Variants in WNT2B observed in about 807,000 individuals in gnomAD.
WNT2B encodes protein Wnt-2b.
Under a neutral mutation model 40.5 loss-of-function variants are expected in WNT2B, and 19 were observed. That is an observed-to-expected ratio of 0.47 (90% CI 0.33 to 0.69). The LOEUF (loss-of-function observed/expected upper bound fraction) is 0.69. WNT2B is among the 30% of genes least tolerant of loss of function. The pLI, the probability that WNT2B is intolerant of heterozygous loss-of-function variation, is 0.02. For missense variants in WNT2B, 467 were observed against 556.4 expected (o/e 0.84, Z 1.62); for synonymous variants, 220 against 211.9 (o/e 1.04, Z -0.33).
Position 112,526,090 on chromosome 1 carries a change from G to A in WNT2B, c.*5581G>A, listed in dbSNP as rs1241046475. ...TCAAAGCCTGAGGATGCCCAGGGTT[G>A]GGGGCACCAGAGTCCCAGCACCTTC... On this transcript the variant is annotated 3_prime_UTR_variant, in exon 5 of 5. Transcript: ENST00000369684. The A allele has an allele frequency of 4.4e-5, 71 of 1,614,000 alleles. No homozygotes were observed. The highest frequency in any genetic ancestry group is 6.0e-5 in the Non-Finnish European group (71 of 1,180,034).
chr1:112,507,193 A>T (rs569347317), upstream of WNT2B, among the ~76,000 whole-genome samples: 5 of 152,090 alleles, frequency 3.3e-5, no homozygotes, highest in Non-Finnish European at 7.4e-5. Flanking sequence ...TTGCAACTGT[A>T]ACCATCCCCT....
intron 1 of WNT2B, among the ~76,000 whole-genome samples, chr1:112,474,653 T>C (rs532676161): frequency 6.6e-6 from 1 of 152,336 alleles, no homozygotes; most frequent in Non-Finnish European, 1.5e-5. Flanking sequence ...CGATAGTCAC[T>C]TTTTAAAATG....
chr1:112,508,525 G>A (rs2101080537), upstream of WNT2B, among the ~76,000 whole-genome samples: 1 of 152,266 alleles, frequency 6.6e-6, no homozygotes, highest in South Asian at 2.1e-4. This position sits in a 1 kb window ranked among gnomAD's most constrained non-coding sequence, Gnocchi z 4.2. Context: ...CCCGGTGGCA[G>A]GGACTCTACC....
At position 112,520,467 on chromosome 1, in the gene WNT2B, T is replaced by C; in HGVS notation, c.1134T>C (p.Thr378=). Residue 378 remains threonine, a synonymous_variant, in exon 5 of 5, where the codon ACT becomes ACC. Coordinates refer to ENST00000369684, the MANE Select transcript of WNT2B (RefSeq NM_024494.3). ...KECRNTVDVH[T]CKAPKKAEWL... is the part of the protein sequence containing the mutation. ...GCAGAAATACTGTGGACGTCCATAC[T>C]TGCAAAGCCCCCAAGAAGGCAGAGT... is the stretch of plus-strand genomic sequence containing the variant. 6.2e-7 allele frequency: 1 copy of C among 1,614,160 alleles called. No homozygotes were observed. The highest frequency in any genetic ancestry group is 8.5e-7 in the Non-Finnish European group (1 of 1,180,044).
Position 112,522,764 on chromosome 1 carries a change from C to T in WNT2B, c.*2255C>T, listed in dbSNP as rs1652951717. 2 of 152,232 alleles carry T rather than the reference C, an allele frequency of 1.3e-5. No homozygotes were observed. Among genetic ancestry groups the T allele is most frequent in the African/African-American group, 4.8e-5 (2 of 41,432 alleles). The allele number at this position is 152,232 out of a possible 1,614,324, so 9.4% of individuals were successfully genotyped here. The stretch of plus-strand genomic sequence containing the variant: ...CACAAAACATGAGCTAGTCAGGGCC[C>T]TTGTGGTCTGCGGTAAGGGGATGCC... On this transcript the variant is annotated 3_prime_UTR_variant, in exon 5 of 5. Transcript: ENST00000369684.
At position 112,526,339 on chromosome 1, in the gene WNT2B, T is replaced by C. The variant is rs1012338132; in HGVS notation, c.*5830T>C. The C allele has an allele frequency of 3.7e-5, 17 of 455,926 alleles. No homozygotes were observed. The highest frequency in any genetic ancestry group is 2.9e-4 in the African/African-American group (15 of 51,898). 28.2% of individuals were successfully genotyped at this position (455,926 alleles called of 1,614,324 possible). ...CTGGCTCCTAATTCTACTCCTTTTTTCCCCTTCAGATTAACATTAAAAATT... is the reference window on the plus strand; with the variant it reads ...CTGGCTCCTAATTCTACTCCTTTTTCCCCCTTCAGATTAACATTAAAAATT... On this transcript the variant is annotated 3_prime_UTR_variant, in exon 5 of 5. Coordinates refer to ENST00000369684, the MANE Select transcript of WNT2B (RefSeq NM_024494.3).
intron 1 of WNT2B, among the ~76,000 whole-genome samples, chr1:112,486,952 A>G (rs1277126562): frequency 6.6e-6 from 1 of 152,238 alleles, no homozygotes; most frequent in Non-Finnish European, 1.5e-5. Flanking sequence ...CACATGATTC[A>G]GTTATCCCAT....
chr1:112,482,921 C>T (rs998693020), intron 1 of WNT2B, among the ~76,000 whole-genome samples: 2 of 152,112 alleles, frequency 1.3e-5, no homozygotes, highest in African/African-American at 4.8e-5. Flanking sequence ...GTATTCTTTA[C>T]AGAAATAGAC....
chr1:112,514,678 C>T (rs916468016), intron 1 of WNT2B, 196 bp from the exon 2 acceptor site: 13 of 623,218 alleles, frequency 2.1e-5, no homozygotes, highest in Non-Finnish European at 3.7e-5. Flanking sequence ...CAATTACTCT[C>T]TCTGCAACTG....
chr1:112,480,921 CA>C (rs1404375814), intron 1 of WNT2B, among the ~76,000 whole-genome samples: 3 of 152,176 alleles, frequency 2.0e-5, no homozygotes, highest in Non-Finnish European at 4.4e-5. Context: ...GTAATCCCAG[CA>C]CTTTGGGAGG....
intron 1 of WNT2B, among the ~76,000 whole-genome samples, chr1:112,487,890 C>A (rs547102843): frequency 1.5e-5 from 2 of 131,944 alleles, no homozygotes; most frequent in African/African-American, 5.8e-5. Flanking sequence ...GCCGAGATTG[C>A]GCCACTGCAC....
rs1166799270 is a variant in WNT2B at position 112,521,277 on chromosome 1, T to C, written c.*768T>C. 1 of 151,580 alleles carries C rather than the reference T, an allele frequency of 6.6e-6. No individual in the cohort carries two copies. The highest frequency in any genetic ancestry group is 1.5e-5 in the Non-Finnish European group (1 of 68,010). 9.4% of individuals were successfully genotyped at this position (151,580 alleles called of 1,614,324 possible). ...CACCCTAGAACACTCCTAGGATAGA[T>C]TAATGTAGTAAGTCTGGCTAGGCCT... is the stretch of plus-strand genomic sequence containing the variant. On this transcript the variant is annotated 3_prime_UTR_variant, in exon 5 of 5. Coordinates refer to ENST00000369684, the MANE Select transcript of WNT2B (RefSeq NM_024494.3).
chr1:112,486,178 C>G (rs1227197554), intron 1 of WNT2B, among the ~76,000 whole-genome samples: 3 of 140,952 alleles, frequency 2.1e-5, no homozygotes, highest in African/African-American at 7.9e-5. Context: ...TGCTGTGGCT[C>G]ATGCCTGTAA....
At chr1:112,492,754 T>G (rs182939336) in intron 1 of WNT2B, among the ~76,000 whole-genome samples, 2 of 152,184 alleles carry the variant, frequency 1.3e-5, no homozygotes, top group Non-Finnish European at 2.9e-5. Flanking sequence ...AGCCTTTACA[T>G]TGGGGAAGGG....
chr1:112,515,324 C>T lies in WNT2B; in HGVS notation c.403+230C>T. On this transcript the variant is annotated intron_variant, in intron 2 of 4. Coordinates refer to ENST00000369684, the MANE Select transcript of WNT2B (RefSeq NM_024494.3). The surrounding 1 kb of genome is among the most constrained non-coding windows in gnomAD (Gnocchi z 4.4). ...GCTCTGGGACAAGACCAAGGTAAAG[C>T]ATTCCCTAGAACCTCCATCTTTCTC... Among the ~76,000 whole-genome samples, 1 of 152,188 alleles carries T rather than the reference C, an allele frequency of 6.6e-6. No homozygotes were observed. The highest frequency in any genetic ancestry group is 1.9e-4 in the East Asian group (1 of 5,188).
In WNT2B at chr1:112,496,814, G is replaced by T. The variant is rs1433062672; in HGVS notation, c.-94-18060G>T. ...AGGGTTTCTCCATGTTGGTCAGGCTGGTCTCGAACTCACGACCTCCGGTGA... is the reference window on the plus strand; with the variant it reads ...AGGGTTTCTCCATGTTGGTCAGGCTTGTCTCGAACTCACGACCTCCGGTGA... On this transcript the variant is annotated intron_variant, in intron 1 of 4. Coordinates refer to the WNT2B transcript ENST00000256640. Among the ~76,000 whole-genome samples, 4 of 152,000 alleles carry T rather than the reference G, an allele frequency of 2.6e-5. No individual in the cohort carries two copies. In the East Asian group the frequency reaches 7.7e-4, roughly 29 times the overall value.
intron 1 of WNT2B, among the ~76,000 whole-genome samples, chr1:112,474,079 A>AAG (rs1553229474): frequency 6.7e-6 from 1 of 148,216 alleles, no homozygotes; most frequent in Non-Finnish European, 1.5e-5. Flanking sequence ...AAAAAAAAAA[A>AAG]AAAGAAAGAA....
chr1:112,511,768 C>T lies in WNT2B; in HGVS notation c.182+2324C>T, dbSNP rs186421293. On this transcript the variant is annotated intron_variant, in intron 1 of 4. Transcript: ENST00000369684. ...AAGAACAGGATTGTATTCATAGGCT[C>T]ACAAAGGGAGAGAAACACAAAGTGG... Among the ~76,000 whole-genome samples, 25 of 152,306 alleles carry T rather than the reference C, an allele frequency of 1.6e-4. No homozygotes were observed. The South Asian group carries it at 1.7e-3, about 10-fold the overall frequency.
chr1:112,482,807 G>T (rs1651267864), intron 1 of WNT2B, among the ~76,000 whole-genome samples: 1 of 152,098 alleles, frequency 6.6e-6, no homozygotes, highest in African/African-American at 2.4e-5. Context: ...ATAGATAAAT[G>T]AAAAAGATAT....
Sources: gnomAD v4.1 joint callset for allele counts (sites outside exome capture counted in the v4.1 genomes callset) on GRCh38, gnomAD v4.1.1 for gene constraint, Gnocchi (gnomAD v3.1) non-coding constraint, MANE v1.5 for transcripts, NCBI Gene and HGNC (gene_info 2026-07-23, HGNC 2026-07-21) for gene names.